ROBO2: variants seen among roughly 807,000 people sequenced by gnomAD.
ROBO2 encodes the protein roundabout homolog 2.
A neutral mutation model predicts 160.8 loss-of-function variants in ROBO2; 53 were observed. The ratio of observed to expected loss-of-function variants is 0.33; its 90% CI spans 0.26 to 0.41. The LOEUF is 0.41. Ranked by LOEUF, ROBO2 falls within the 10% of genes least tolerant of loss-of-function variation. The probability of loss-of-function intolerance (pLI) is 1.00; values close to 1 mark genes in which losing one functional copy is unlikely to be tolerated. For missense variants in ROBO2, 1,577 were observed against 1,722.4 expected (o/e 0.92, Z 1.49); for synonymous variants, 664 against 611.7 (o/e 1.09, Z -1.26).
intron 2 of ROBO2, among the ~76,000 whole-genome samples, chr3:77,109,514 G>A (rs76593891): frequency 0.012 from 1,796 of 152,276 alleles, 24 homozygotes; most frequent in Middle Eastern, 0.027. Context: ...GAGTGAGGGA[G>A]GAGGAGTTGC....
chr3:77,062,436 C>A (rs1270891173), intron 1 of ROBO2, among the ~76,000 whole-genome samples: 1 of 152,008 alleles, frequency 6.6e-6, no homozygotes, highest in East Asian at 1.9e-4. Context: ...ACTCAGAGAA[C>A]AGGACCCAAG....
intron 2 of ROBO2, among the ~76,000 whole-genome samples, chr3:76,059,397 C>T (rs1489454446): frequency 2.0e-5 from 3 of 152,096 alleles, no homozygotes; most frequent in Non-Finnish European, 4.4e-5. Context: ...TCTCTGATGA[C>T]CAGTGATGAT....
intron 2 of ROBO2, among the ~76,000 whole-genome samples, chr3:76,340,559 T>G (rs571713391): frequency 6.6e-6 from 1 of 152,264 alleles, no homozygotes; most frequent in South Asian, 2.1e-4. Context: ...AAGCTAATGG[T>G]GTATCTCAAC....
At chr3:76,650,481 C>CTTTTTTTTTTTTTTTTTTTTTTTTT (rs67171130) in intron 2 of ROBO2, among the ~76,000 whole-genome samples, 1 of 146,732 alleles carries the variant, frequency 6.8e-6, no homozygotes. Context: ...CCTTCTTTCT[C>CTTTTTTTTTTTTTTTTTTTTTTTTT]TTTTTTTTTT....
intron 2 of ROBO2, among the ~76,000 whole-genome samples, chr3:76,342,224 A>G (rs1167416124): frequency 6.6e-6 from 1 of 152,098 alleles, no homozygotes; most frequent in African/African-American, 2.4e-5. Flanking sequence ...ACTTTCATGA[A>G]CTATGAAGAG....
At chr3:77,297,737 C>T (rs1426332130) in intron 2 of ROBO2, among the ~76,000 whole-genome samples, 1 of 152,072 alleles carries the variant, frequency 6.6e-6, no homozygotes, top group Admixed American at 6.6e-5. Context: ...CTTTTCTAGA[C>T]GCTAGTTAAC....
chr3:77,295,152 C>T lies in ROBO2; in HGVS notation c.389-182262C>T, dbSNP rs1156577176. On this transcript the variant is annotated intron_variant, in intron 2 of 25. Transcript: ENST00000461745. ...CACCCCAGATATAAAGTAAAATTGA[C>T]GGTTAAACGGGTAAGCTGAGGCTAG... Among the ~76,000 whole-genome samples the T allele has an allele frequency of 2.4e-4, 34 of 142,406 alleles. 1 individual carries two copies. Among genetic ancestry groups the T allele is most frequent in the Non-Finnish European group, 3.0e-4 (20 of 66,162 alleles). The allele number at this position is 142,406 out of a possible 152,430, so 93.4% of individuals were successfully genotyped here. A position where few individuals can be genotyped will look rare whatever the true frequency, so the allele number is the denominator to read the frequency against.
chr3:77,645,790 T>G (rs1291419263), intron 25 of ROBO2, among the ~76,000 whole-genome samples: 2 of 152,206 alleles, frequency 1.3e-5, no homozygotes, highest in Non-Finnish European at 2.9e-5. Context: ...TGAATTTTTC[T>G]TTAACTTTTT....
chr3:76,892,578 C>G (rs553033138), intron 2 of ROBO2, among the ~76,000 whole-genome samples: 20 of 152,112 alleles, frequency 1.3e-4, no homozygotes, highest in Non-Finnish European at 2.5e-4. Context: ...TCCAACGTAA[C>G]GAACACTCCC....
At chr3:76,251,654 T>C (rs1323808885) in intron 2 of ROBO2, among the ~76,000 whole-genome samples, 1 of 152,100 alleles carries the variant, frequency 6.6e-6, no homozygotes, top group African/African-American at 2.4e-5. Flanking sequence ...CTTATGTAAC[T>C]GTTTTCTATA....
intron 2 of ROBO2, among the ~76,000 whole-genome samples, chr3:76,124,894 G>A (rs550340778): frequency 2.0e-4 from 30 of 152,164 alleles, no homozygotes; most frequent in African/African-American, 7.0e-4. Context: ...ATGCAGATTT[G>A]TTACATGGGA....
intron 2 of ROBO2, among the ~76,000 whole-genome samples, chr3:76,940,557 T>C (rs1233984215): frequency 6.6e-6 from 1 of 152,220 alleles, no homozygotes; most frequent in Non-Finnish European, 1.5e-5. Flanking sequence ...CCTTTCCTTG[T>C]CTTTCACGCT....
At chr3:77,466,647 G>T (rs563324055) in intron 2 of ROBO2, among the ~76,000 whole-genome samples, 3 of 152,100 alleles carry the variant, frequency 2.0e-5, no homozygotes, top group Admixed American at 2.0e-4. Flanking sequence ...CGGGTAGAGG[G>T]GAAAGAAAAG....
intron 2 of ROBO2, among the ~76,000 whole-genome samples, chr3:76,386,635 A>G (rs906382955): frequency 9.9e-5 from 15 of 152,090 alleles, no homozygotes; most frequent in Non-Finnish European, 1.8e-4. Context: ...TAATTTTCCA[A>G]GTATAATTAA....
At chr3:76,971,690 A>G (rs780123388) in intron 2 of ROBO2, among the ~76,000 whole-genome samples, 3 of 152,234 alleles carry the variant, frequency 2.0e-5, no homozygotes, top group Non-Finnish European at 4.4e-5. Flanking sequence ...GATGAAAACC[A>G]TAACATTTGC....
At chr3:76,143,083 A>G (rs1047658923) in intron 2 of ROBO2, among the ~76,000 whole-genome samples, 2 of 151,666 alleles carry the variant, frequency 1.3e-5, no homozygotes, top group Non-Finnish European at 2.9e-5. Flanking sequence ...CTGGAGTTCA[A>G]TGGCACAATC....
At chr3:77,170,043 G>C (rs186298372) in intron 2 of ROBO2, among the ~76,000 whole-genome samples, 1 of 152,186 alleles carries the variant, frequency 6.6e-6, no homozygotes, top group African/African-American at 2.4e-5. Context: ...CAGCAAGTGA[G>C]TGTTCCGGCA....
chr3:76,900,064 G>A (rs2075107058), intron 2 of ROBO2, among the ~76,000 whole-genome samples: 1 of 152,116 alleles, frequency 6.6e-6, no homozygotes, highest in Non-Finnish European at 1.5e-5. Flanking sequence ...CAGAAGGCAA[G>A]AAGGAGCAAG....
chr3:76,102,427 C>G (rs1222758210), intron 2 of ROBO2, among the ~76,000 whole-genome samples: 1 of 152,070 alleles, frequency 6.6e-6, no homozygotes, highest in Non-Finnish European at 1.5e-5. Flanking sequence ...AAAATAATAC[C>G]TGTACTTGAA....
Sources: allele counts gnomAD v4.1 joint callset (sites outside exome capture counted in the v4.1 genomes callset), GRCh38; gene constraint gnomAD v4.1.1; transcripts MANE v1.5; gene names NCBI Gene and HGNC (gene_info 2026-07-23, HGNC 2026-07-21).